CLIC6: variants seen among roughly 807,000 people sequenced by gnomAD.
CLIC6 encodes CLIC family member 6.
A neutral mutation model predicts 49.2 loss-of-function variants in CLIC6; 39 were observed. That is an observed-to-expected ratio of 0.79 (90% CI 0.61 to 1.04). The LOEUF is 1.04. CLIC6 is among the 50% of genes least tolerant of loss of function. CLIC6 has a pLI of 0.00. For synonymous variants in CLIC6, 446 were observed against 433.4 expected, an observed-to-expected ratio of 1.03 and a Z score of -0.36; for missense variants, 988 against 993.1, an observed-to-expected ratio of 0.99 and a Z score of 0.07.
intron 5 of CLIC6, among the ~76,000 whole-genome samples, chr21:34,713,766 A>G (rs916776520): frequency 6.6e-6 from 1 of 152,204 alleles, no homozygotes; most frequent in Non-Finnish European, 1.5e-5. Flanking sequence ...ATGACATGCC[A>G]TGTTAAACAT....
At position 34,709,569 on chromosome 21, in the gene CLIC6, G is replaced by A. The variant is rs1260327107; in HGVS notation, c.1899+31G>A. The A allele has an allele frequency of 3.8e-6, 6 of 1,590,692 alleles. No homozygotes were observed. In the African/African-American group the frequency reaches 5.4e-5, roughly 14 times the overall value. ...TCTTCCCTCCCGACACGTGTGCCGA[G>A]TACACGAACGGGGCTTTGTTTTATT... is the stretch of plus-strand genomic sequence containing the variant. On this transcript the variant is annotated intron_variant, in intron 5 of 5. Transcript: ENST00000349499.
rs1247235920 is a variant in CLIC6 at position 34,710,814 on chromosome 21, GA to G, written c.1899+1284del. ...GGTGACAGAGCAAGACTCCGTCTCAGAAAAAAAACAAAAAACAAACAAACAA... is the reference window on the plus strand; with the variant it reads ...GGTGACAGAGCAAGACTCCGTCTCAGAAAAAAACAAAAAACAAACAAACAA... On this transcript the variant is annotated intron_variant, in intron 5 of 5. Transcript: ENST00000349499. 1.1e-4 allele frequency among the ~76,000 whole-genome samples: 17 copies of G among 151,218 alleles called. No individual in the cohort carries two copies. The East Asian group carries it at 2.9e-3, about 26-fold the overall frequency.
chr21:34,713,475 G>C (rs1054350901), intron 5 of CLIC6, among the ~76,000 whole-genome samples: 3 of 152,202 alleles, frequency 2.0e-5, no homozygotes, highest in Non-Finnish European at 4.4e-5. Flanking sequence ...TGCTGAAATT[G>C]ATTTCCTCTG....
chr21:34,709,781 C>G (rs1196561272), intron 5 of CLIC6, among the ~76,000 whole-genome samples: 1 of 152,202 alleles, frequency 6.6e-6, no homozygotes, highest in Admixed American at 6.5e-5. Flanking sequence ...CAGCCTTACT[C>G]ACACAGCCTA....
At chr21:34,696,973 T>C (rs923578176) in intron 1 of CLIC6, among the ~76,000 whole-genome samples, 5 of 152,148 alleles carry the variant, frequency 3.3e-5, no homozygotes, top group African/African-American at 7.2e-5. Flanking sequence ...GGGCACTCTT[T>C]TCTCACCAGC....
At chr21:34,685,143 T>C (rs1989852746) in intron 1 of CLIC6, among the ~76,000 whole-genome samples, 1 of 152,124 alleles carries the variant, frequency 6.6e-6, no homozygotes, top group Admixed American at 6.5e-5. Context: ...GGGGGTGGTG[T>C]GTAGGATGCT....
At chr21:34,678,430 TAA>T (rs772123813) in intron 1 of CLIC6, among the ~76,000 whole-genome samples, 12 of 139,108 alleles carry the variant, frequency 8.6e-5, no homozygotes, top group African/African-American at 5.3e-5. Flanking sequence ...AGACTCCATC[TAA>T]AAAAAAAAAA....
intron 1 of CLIC6, among the ~76,000 whole-genome samples, chr21:34,692,170 A>G (rs920234141): frequency 6.6e-6 from 1 of 152,244 alleles, no homozygotes; most frequent in Non-Finnish European, 1.5e-5. Flanking sequence ...GCCACCTCTG[A>G]GAAGGTGTCA....
At chr21:34,707,748 G>A (rs1459744428) in intron 2 of CLIC6, among the ~76,000 whole-genome samples, 196 bp from the exon 3 acceptor site, 1 of 152,062 alleles carries the variant, frequency 6.6e-6, no homozygotes, top group East Asian at 1.9e-4. Flanking sequence ...TTCACAAAGG[G>A]GCACCTCAAC....
chr21:34,716,295 A>G, intron 5 of CLIC6, 26 bp from the exon 6 acceptor site: 1 of 1,602,992 alleles, frequency 6.2e-7, no homozygotes, highest in Non-Finnish European at 8.5e-7. Flanking sequence ...TTTTCCCTTT[A>G]CTGATCATTT....
In CLIC6 at chr21:34,707,396, C is replaced by A. The variant is rs753689366; in HGVS notation, c.1484+7C>A. On this transcript the variant is annotated splice_region_variant and intron_variant, in intron 2 of 5. Transcript: ENST00000349499. ...CCACAGTGGACCTGAAAAGGTAAGA[C>A]AAGGCGTCTGCCTTACTGAAATAAC... The A allele has an allele frequency of 1.9e-6, 3 of 1,551,498 alleles. No homozygotes were observed. The highest frequency in any genetic ancestry group is 2.7e-6 in the Non-Finnish European group (3 of 1,123,396).
chr21:34,709,448 G>A lies in CLIC6; in HGVS notation c.1809G>A (p.Glu603=), dbSNP rs146402009. The A allele has an allele frequency of 1.2e-6, 2 of 1,614,016 alleles. No individual in the cohort carries two copies. Among genetic ancestry groups the A allele is most frequent in the Non-Finnish European group, 1.7e-6 (2 of 1,179,884 alleles). The part of the protein sequence containing the change: ...LPDEIDAYST[E]DVTVSGRKFL... ...ATGAAATAGATGCCTACAGCACCGA[G>A]GATGTCACTGTTTCTGGAAGGAAGT... Residue 603 remains glutamate (E), a synonymous_variant, in exon 5 of 6, where the codon GAG becomes GAA. Coordinates refer to ENST00000349499, the MANE Select transcript of CLIC6 (RefSeq NM_053277.3).
chr21:34,669,960 A>G lies in CLIC6; in HGVS notation c.572A>G (p.Asp191Gly), dbSNP rs541359989. Residue 191 changes from aspartate to glycine, a missense_variant, in exon 1 of 6, where the codon GAC (aspartate) becomes GGC (glycine). Asp to Gly is a moderately conservative substitution (Grantham distance 94, BLOSUM62 -1). This residue lies in a region of CLIC6 where 57 missense variants were observed against 117.6 expected (regional missense o/e 0.48). Transcript: ENST00000349499. ...GAGGGCCGGGTGGGGGACAGCGTAG[A>G]CGCGGAAGGTCCGGCGGGGGACAGC... ...EAEGRVGDSV[D>G]AEGPAGDSVD... 702 of 1,354,010 alleles carry G rather than the reference A, an allele frequency of 5.2e-4. No individual in the cohort carries two copies. The highest frequency in any genetic ancestry group is 6.7e-4 in the Admixed American group (18 of 26,950). 83.9% of individuals were successfully genotyped at this position (1,354,010 alleles called of 1,614,324 possible).
At chr21:34,697,283 G>T (rs1601278276) in intron 1 of CLIC6, among the ~76,000 whole-genome samples, 1 of 152,170 alleles carries the variant, frequency 6.6e-6, no homozygotes, top group Non-Finnish European at 1.5e-5. Context: ...GGTGGCCAAA[G>T]CCAGGAGGGG....
chr21:34,669,977 G>C lies in CLIC6; in HGVS notation c.589G>C (p.Gly197Arg). ...GDSVDAEGPA[G>R]DSVDAEGPLG... is the part of the protein sequence containing the mutation. ...CAGCGTAGACGCGGAAGGTCCGGCG[G>C]GGGACAGCGTAGACGCGGAGGGCCC... The change falls in exon 1 of 6, where the codon GGG becomes CGG. Residue 197 changes from glycine to arginine, a missense_variant. Transcript: ENST00000349499. 4.3e-6 allele frequency: 6 copies of C among 1,385,816 alleles called. No individual in the cohort carries two copies. The highest frequency in any genetic ancestry group is 5.6e-6 in the Non-Finnish European group (6 of 1,078,670). The allele number at this position is 1,385,816 out of a possible 1,614,324, so 85.8% of individuals were successfully genotyped here.
chr21:34,682,801 A>T (rs1370264233), intron 1 of CLIC6, among the ~76,000 whole-genome samples: 465 of 69,060 alleles, frequency 6.7e-3, no homozygotes, highest in South Asian at 9.4e-3. Context: ...CTTTCCCTCC[A>T]TTTTTTTTTT....
chr21:34,673,343 G>A (rs1240533449), intron 1 of CLIC6, among the ~76,000 whole-genome samples: 2 of 152,010 alleles, frequency 1.3e-5, no homozygotes, highest in African/African-American at 2.4e-5. Flanking sequence ...AGACAGGAGT[G>A]CAGTGGTGCT....
At chr21:34,710,515 A>G (rs1422419379) in intron 5 of CLIC6, among the ~76,000 whole-genome samples, 1 of 152,138 alleles carries the variant, frequency 6.6e-6, no homozygotes, top group African/African-American at 2.4e-5. Flanking sequence ...GGAGCTTTTT[A>G]GAAATGTGAG....
intron 1 of CLIC6, among the ~76,000 whole-genome samples, chr21:34,687,643 TAATC>T (rs1989906415): frequency 6.6e-6 from 1 of 152,220 alleles, no homozygotes; most frequent in Admixed American, 6.5e-5. Flanking sequence ...GTTCAGTAAT[TAATC>T]AATGTGAGTC....
Sources: gnomAD v4.1 joint callset for allele counts (sites outside exome capture counted in the v4.1 genomes callset) on GRCh38, gnomAD v4.1.1 for gene constraint, gnomAD v4.1.1 regional missense constraint, MANE v1.5 for transcripts, NCBI Gene and HGNC (gene_info 2026-07-23, HGNC 2026-07-21) for gene names.